PPARGC1A: variants seen among roughly 807,000 people sequenced by gnomAD.
PPARGC1A encodes the protein PPARG coactivator 1 alpha, also known as peroxisome proliferator-activated receptor gamma coactivator 1-alpha.
PPARGC1A carries 25 observed loss-of-function variants against 88.7 expected under a neutral mutation model. That is an observed-to-expected ratio of 0.28 (90% CI 0.21 to 0.39). The LOEUF is 0.39. Among genes scored for constraint, PPARGC1A ranks in the 10% least tolerant of loss-of-function variants. The probability of loss-of-function intolerance (pLI) is 1.00; values close to 1 mark genes in which losing one functional copy is unlikely to be tolerated. For synonymous variants in PPARGC1A, 363 were observed against 355.6 expected, an observed-to-expected ratio of 1.02 and a Z score of -0.24; for missense variants, 880 against 968.7, an observed-to-expected ratio of 0.91 and a Z score of 1.22.
chr4:24,327,132 T>C, the PPARGC1A span, among the ~76,000 whole-genome samples: 1 of 152,182 alleles, frequency 6.6e-6, no homozygotes, highest in Non-Finnish European at 1.5e-5. Flanking sequence ...CCACTTTCCC[T>C]TCTCAGAAGT....
At chr4:24,368,497 G>A in the PPARGC1A span, among the ~76,000 whole-genome samples, 3 of 152,012 alleles carry the variant, frequency 2.0e-5, no homozygotes, top group Non-Finnish European at 4.4e-5. Flanking sequence ...CTTGTCTGAA[G>A]CTGGGTACCT....
chr4:24,157,273 A>AT, the PPARGC1A span, among the ~76,000 whole-genome samples: 18 of 152,164 alleles, frequency 1.2e-4, no homozygotes, highest in African/African-American at 4.3e-4. Context: ...TGCAGTTAAG[A>AT]TTCAGCTCTC....
At chr4:23,796,932 T>C (rs1717719852) in intron 12 of PPARGC1A, among the ~76,000 whole-genome samples, 1 of 151,954 alleles carries the variant, frequency 6.6e-6, no homozygotes, top group African/African-American at 2.4e-5. Flanking sequence ...AAGGATATAA[T>C]ACTAGATACT....
At chr4:24,161,518 G>A in the PPARGC1A span, among the ~76,000 whole-genome samples, 2 of 152,072 alleles carry the variant, frequency 1.3e-5, no homozygotes, top group Non-Finnish European at 2.9e-5. Context: ...TCCTCACCTG[G>A]AAAATGGGTC....
chr4:24,448,085 C>A, the PPARGC1A span, among the ~76,000 whole-genome samples: 1 of 152,194 alleles, frequency 6.6e-6, no homozygotes, highest in Non-Finnish European at 1.5e-5. Flanking sequence ...AGCTACTAAA[C>A]TTTTATCACG....
At chr4:24,126,214 C>T in the PPARGC1A span, among the ~76,000 whole-genome samples, 1 of 151,306 alleles carries the variant, frequency 6.6e-6, no homozygotes, top group South Asian at 2.1e-4. Context: ...TTCTCCCCAC[C>T]TTGGTGAGTG....
the PPARGC1A span, among the ~76,000 whole-genome samples, chr4:24,337,488 G>A: frequency 1.3e-5 from 2 of 152,120 alleles, no homozygotes; most frequent in Non-Finnish European, 2.9e-5. Context: ...TAAGTCTGGT[G>A]GGGCGACCAG....
the PPARGC1A span, among the ~76,000 whole-genome samples, chr4:24,269,662 A>ATCG: frequency 7.2e-5 from 1 of 13,970 alleles, no homozygotes; most frequent in African/African-American, 2.5e-4. Flanking sequence ...ACACTTTATT[A>ATCG]TCATCATCAT....
chr4:24,368,757 T>C, the PPARGC1A span, among the ~76,000 whole-genome samples: 1 of 152,162 alleles, frequency 6.6e-6, no homozygotes. Flanking sequence ...GGGAGGTAGT[T>C]GAAACCTAGC....
At chr4:24,208,851 A>G in the PPARGC1A span, among the ~76,000 whole-genome samples, 1 of 152,020 alleles carries the variant, frequency 6.6e-6, no homozygotes, top group East Asian at 1.9e-4. Context: ...AAATATTGCA[A>G]CTCTATAATG....
At chr4:23,908,852 G>C (rs111910525), upstream of PPARGC1A, among the ~76,000 whole-genome samples, 4,194 of 152,162 alleles carry the variant, frequency 0.028, 85 homozygotes, top group Non-Finnish European at 0.044. Flanking sequence ...GTGTGGGAAT[G>C]TGTGTATCTG....
chr4:24,092,239 G>A, the PPARGC1A span, among the ~76,000 whole-genome samples: 1 of 151,910 alleles, frequency 6.6e-6, no homozygotes, highest in East Asian at 1.9e-4. Context: ...TCCCACCGTA[G>A]GCCTCAACCC....
Position 23,814,058 on chromosome 4 carries a change from G to A in PPARGC1A, c.1425C>T (p.Asp475=), listed in dbSNP as rs17574213. 0.064 allele frequency: 103,831 copies of A among 1,613,884 alleles called. 3,906 individuals carry two copies. The highest frequency in any genetic ancestry group is 0.074 in the Non-Finnish European group (87,041 of 1,179,936). ...HFGHPSQAVF[D]DEADKTGELR... ...GTTCACCGGTCTTGTCTGCTTCGTC[G>A]TCAAAAACAGCTTGACTGGGATGAC... The change falls in exon 8 of 13, where the codon GAC becomes GAT. Residue 475 remains aspartate, a synonymous_variant. Coordinates refer to ENST00000264867, the MANE Select transcript of PPARGC1A (RefSeq NM_013261.5).
the PPARGC1A span, among the ~76,000 whole-genome samples, chr4:24,241,442 A>G: frequency 6.6e-6 from 1 of 152,204 alleles, no homozygotes; most frequent in South Asian, 2.1e-4. Context: ...GCAAATATTC[A>G]TCTGAAAAAT....
At chr4:23,874,356 C>A (rs1714238031) in intron 2 of PPARGC1A, among the ~76,000 whole-genome samples, 2 of 152,252 alleles carry the variant, frequency 1.3e-5, no homozygotes, top group Admixed American at 6.5e-5. Context: ...GTGACTGCGA[C>A]CAAAATGGAT....
chr4:24,248,607 C>T, the PPARGC1A span, among the ~76,000 whole-genome samples: 3 of 152,188 alleles, frequency 2.0e-5, no homozygotes, highest in Non-Finnish European at 4.4e-5. Flanking sequence ...TATCTGGAAC[C>T]CAGCTGTATT....
At chr4:24,085,638 C>A in the PPARGC1A span, among the ~76,000 whole-genome samples, 1 of 152,164 alleles carries the variant, frequency 6.6e-6, no homozygotes, top group Admixed American at 6.5e-5. Context: ...GGAGACCTGG[C>A]ATAAGAGAAA....
chr4:24,108,727 T>C, the PPARGC1A span, among the ~76,000 whole-genome samples: 7 of 152,274 alleles, frequency 4.6e-5, no homozygotes, highest in Non-Finnish European at 8.8e-5. Context: ...AAGTCACAGC[T>C]GTGCACATTT....
At chr4:24,198,019 T>A in the PPARGC1A span, among the ~76,000 whole-genome samples, 26 of 152,260 alleles carry the variant, frequency 1.7e-4, no homozygotes, top group East Asian at 4.6e-3. Context: ...CTGGTGAAAT[T>A]CCAACTGTCC....
Sources: allele counts gnomAD v4.1 joint callset (sites outside exome capture counted in the v4.1 genomes callset), GRCh38; gene constraint gnomAD v4.1.1; transcripts MANE v1.5; gene names NCBI Gene and HGNC (gene_info 2026-07-23, HGNC 2026-07-21).